Variants in SEC23B observed in about 807,000 individuals in gnomAD.
The protein encoded by SEC23B is protein transport protein Sec23B.
In SEC23B, 77 loss-of-function variants were observed where a neutral mutation model predicts 104.3. That is an observed-to-expected ratio of 0.74 (90% CI 0.61 to 0.89). SEC23B has a LOEUF of 0.89. Among genes scored for constraint, SEC23B ranks in the 40% least tolerant of loss-of-function variants. The pLI is 0.00. For missense variants in SEC23B, 885 were observed against 949.4 expected, an observed-to-expected ratio of 0.93 and a Z score of 0.89; for synonymous variants, 338 against 332.5, an observed-to-expected ratio of 1.02 and a Z score of -0.18.
intron 2 of SEC23B, among the ~76,000 whole-genome samples, chr20:18,511,880 A>G (rs1004030786): frequency 3.3e-5 from 5 of 152,198 alleles, no homozygotes; most frequent in African/African-American, 1.2e-4. Context: ...GACAATAAAG[A>G]TGTTAGAAAA....
intron 6 of SEC23B, among the ~76,000 whole-genome samples, chr20:18,525,446 A>C (rs2060125550): frequency 6.6e-6 from 1 of 152,210 alleles, no homozygotes; most frequent in African/African-American, 2.4e-5. Flanking sequence ...AATGATGAAG[A>C]TTGTCCACAT....
At chr20:18,546,474 G>A (rs2060333017) in intron 15 of SEC23B, among the ~76,000 whole-genome samples, 1 of 152,180 alleles carries the variant, frequency 6.6e-6, no homozygotes, top group Admixed American at 6.5e-5. Context: ...GCAATAAGCA[G>A]CTCCTGAAAG....
chr20:18,554,352 A>G lies in SEC23B; in HGVS notation c.2110A>G (p.Met704Val). The G allele has an allele frequency of 6.2e-7, 1 of 1,614,168 alleles. No homozygotes were observed. The highest frequency in any genetic ancestry group is 8.5e-7 in the Non-Finnish European group (1 of 1,180,026). ...AQEILQARFP[M>V]PRYINTEHGG... ...AGAAATTCTGCAAGCACGCTTCCCG[A>G]TGCCACGTTACATCAACACGGAGCA... The change falls in exon 18 of 20, where the codon ATG becomes GTG. Residue 704 changes from methionine (M) to valine (V), a missense_variant. Physicochemically the swap from Met to Val is conservative, Grantham distance 21. Transcript: ENST00000650089.
intron 15 of SEC23B, among the ~76,000 whole-genome samples, chr20:18,547,192 G>A (rs187567917): frequency 1.3e-5 from 2 of 152,254 alleles, no homozygotes; most frequent in African/African-American, 4.8e-5. Context: ...CAGGCGGCCA[G>A]GTGTAGAGTC....
chr20:18,541,507 T>G (rs1289507789), intron 12 of SEC23B, among the ~76,000 whole-genome samples: 2 of 152,234 alleles, frequency 1.3e-5, no homozygotes, highest in Non-Finnish European at 2.9e-5. Context: ...TCCTTTCACT[T>G]GAACACTTAG....
chr20:18,518,573 T>C (rs1402043964), intron 4 of SEC23B, among the ~76,000 whole-genome samples: 1 of 126,696 alleles, frequency 7.9e-6, no homozygotes, highest in Non-Finnish European at 1.6e-5. Flanking sequence ...CCTGTGAGGC[T>C]GGAAGGAGGT....
Position 18,560,698 on chromosome 20 carries a change from C to G in SEC23B, c.2262C>G (p.Phe754Leu). Reference protein sequence around the residue: ...ILTDDVSLQVFMDHLKKLAVS... With the variant: ...ILTDDVSLQVLMDHLKKLAVS... ...CTGATGATGTTAGCCTGCAGGTGTT[C>G]ATGGACCATTTGAAGAAGCTGGCTG... The change falls in exon 20 of 20, where the codon TTC becomes TTG. Residue 754 changes from phenylalanine (F) to leucine (L), a missense_variant. Physicochemically the swap from Phe to Leu is conservative, Grantham distance 22. Transcript: ENST00000650089. 6.2e-7 allele frequency: 1 copy of G among 1,614,070 alleles called. No individual in the cohort carries two copies. Among genetic ancestry groups the G allele is most frequent in the Non-Finnish European group, 8.5e-7 (1 of 1,179,970 alleles).
In SEC23B at chr20:18,524,962, A is replaced by G. The variant is rs750053006; in HGVS notation, c.631A>G (p.Met211Val). 5 of 1,613,936 alleles carry G rather than the reference A, an allele frequency of 3.1e-6. No individual in the cohort carries two copies. The highest frequency in any genetic ancestry group is 1.1e-5 in the South Asian group (1 of 91,068). ...QDMLGLTKPA[M>V]PMQQARPAQP... ...TATGTTGGGCCTGACCAAGCCAGCC[A>G]TGCCCATGCAGCAAGCACGACCTGC... Residue 211 changes from methionine (M) to valine (V), a missense_variant, in exon 6 of 20, where the codon ATG becomes GTG. Physicochemically the swap from Met to Val is conservative, Grantham distance 21. Transcript: ENST00000650089.
At chr20:18,550,015 TTA>T (rs1260223319) in intron 16 of SEC23B, among the ~76,000 whole-genome samples, 2 of 134,564 alleles carry the variant, frequency 1.5e-5, no homozygotes, top group African/African-American at 5.4e-5. Flanking sequence ...TATATAAAAA[TTA>T]TATGTGTATA....
At position 18,546,000 on chromosome 20, in the gene SEC23B, T is replaced by C. The variant is rs1437503241; in HGVS notation, c.1710T>C (p.Phe570=). ...GQYNKEDPTS[F]RLSDSFSLYP... ...ATAACAAAGAAGACCCCACTTCTTT[T>C]AGGTTATCAGATTCCTTTTCTCTAT... The change falls in exon 15 of 20, where the codon TTT becomes TTC. Residue 570 remains phenylalanine (F), a synonymous_variant. Transcript: ENST00000650089. 5 of 1,590,238 alleles carry C rather than the reference T, an allele frequency of 3.1e-6. No homozygotes were observed. In the African/African-American group the frequency reaches 6.7e-5, roughly 21 times the overall value.
chr20:18,556,109 T>C (rs900110528), intron 19 of SEC23B, among the ~76,000 whole-genome samples: 1 of 152,080 alleles, frequency 6.6e-6, no homozygotes, highest in African/African-American at 2.4e-5. Context: ...GCTACTGATC[T>C]GATGGGAGGT....
intron 19 of SEC23B, among the ~76,000 whole-genome samples, chr20:18,558,474 T>A (rs1237215098): frequency 6.6e-6 from 1 of 152,210 alleles, no homozygotes; most frequent in Non-Finnish European, 1.5e-5. Context: ...TAGGAAAGTT[T>A]TCAGTCCTTA....
intron 11 of SEC23B, 37 bp from the exon 12 acceptor site, chr20:18,535,616 C>G (rs1331162314): frequency 1.1e-5 from 17 of 1,557,256 alleles, no homozygotes; most frequent in Non-Finnish European, 1.5e-5. Flanking sequence ...GGATGGTTTT[C>G]TGGTTTTGTT....
At chr20:18,534,264 T>C (rs1283507272) in intron 11 of SEC23B, among the ~76,000 whole-genome samples, 1 of 152,226 alleles carries the variant, frequency 6.6e-6, no homozygotes, top group Non-Finnish European at 1.5e-5. Flanking sequence ...CACGATGTCA[T>C]TATCAAACTT....
rs561909054 is a variant in SEC23B at position 18,524,505 on chromosome 20, C to T, written c.439C>T (p.Leu147Phe). 1 of 1,614,180 alleles carries T rather than the reference C, an allele frequency of 6.2e-7. No homozygotes were observed. Among genetic ancestry groups the T allele is most frequent in the East Asian group, 2.2e-5 (1 of 44,884 alleles). The change falls in exon 5 of 20, where the codon CTC (leucine) becomes TTC (phenylalanine). Residue 147 changes from leucine to phenylalanine, a missense_variant. Physicochemically the swap from Leu to Phe is conservative, Grantham distance 22. Transcript: ENST00000650089. Reference protein sequence around the residue: ...TCLEEDDLQALKESLQMSLSL... With the variant: ...TCLEEDDLQAFKESLQMSLSL... Reference sequence around the variant, plus strand: ...CCTGGAGGAAGATGACCTTCAAGCACTCAAAGAGTCCCTGCAGATGTCCCT... The same window carrying T: ...CCTGGAGGAAGATGACCTTCAAGCATTCAAAGAGTCCCTGCAGATGTCCCT...
intron 4 of SEC23B, among the ~76,000 whole-genome samples, chr20:18,523,399 T>TTC (rs1276862992): frequency 6.9e-6 from 1 of 145,974 alleles, no homozygotes; most frequent in East Asian, 2.0e-4. Flanking sequence ...TTTCCTTTCT[T>TTC]TTTTTTTTTT....
chr20:18,508,624 C>T (rs1053285914), intron 1 of SEC23B, among the ~76,000 whole-genome samples: 3 of 151,806 alleles, frequency 2.0e-5, no homozygotes, highest in Non-Finnish European at 4.4e-5. Context: ...AATCCAGACC[C>T]TAGAAGGGTG....
At chr20:18,548,462 G>A in intron 15 of SEC23B, 147 bp from the exon 16 acceptor site, 1 of 751,108 alleles carries the variant, frequency 1.3e-6, no homozygotes, top group East Asian at 2.7e-5. Flanking sequence ...CCTAGCCCCT[G>A]GTGCCCCCTT....
At chr20:18,508,802 C>A (rs989875416) in intron 1 of SEC23B, among the ~76,000 whole-genome samples, 3 of 148,536 alleles carry the variant, frequency 2.0e-5, no homozygotes, top group Middle Eastern at 3.2e-3. Context: ...TCACTGCAAC[C>A]AATGCCTCCC....
Sources: allele counts gnomAD v4.1 joint callset (sites outside exome capture counted in the v4.1 genomes callset), GRCh38; gene constraint gnomAD v4.1.1; transcripts MANE v1.5; gene names NCBI Gene and HGNC (gene_info 2026-07-23, HGNC 2026-07-21).